Variants in PTCHD1 observed in about 807,000 individuals in gnomAD.
PTCHD1 encodes the protein patched domain containing 1.
Under a neutral mutation model 34.6 loss-of-function variants are expected in PTCHD1, and 3 were observed. The ratio of observed to expected loss-of-function variants is 0.09; its 90% CI spans 0.04 to 0.22. The LOEUF (loss-of-function observed/expected upper bound fraction) is 0.22, where lower values mean the gene tolerates loss of function less well. PTCHD1 is among the 10% of genes least tolerant of loss of function. The probability of loss-of-function intolerance (pLI) is 1.00; values close to 1 mark genes in which losing one functional copy is unlikely to be tolerated. For missense variants in PTCHD1, 504 were observed against 685.5 expected, an observed-to-expected ratio of 0.74 and a Z score of 2.96; for synonymous variants, 305 against 283.1, an observed-to-expected ratio of 1.08 and a Z score of -0.77.
chrX:23,364,689 C>A (rs1344216958), intron 1 of PTCHD1, among the ~76,000 whole-genome samples: 3 of 112,190 alleles, frequency 2.7e-5, no homozygotes, highest in African/African-American at 9.7e-5. Context: ...AACACATCAG[C>A]TGTCTCTCCC....
Position 23,400,999 on chromosome X carries a change from G to C in PTCHD1, c.*6814G>C. 1 of 108,152 alleles carries C rather than the reference G, an allele frequency of 9.2e-6. No homozygotes were observed. Among genetic ancestry groups the C allele is most frequent in the Middle Eastern group, 4.7e-3 (1 of 214 alleles). The allele number at this position is 108,152 out of a possible 1,213,427, so 8.9% of individuals were successfully genotyped here. A position where few individuals can be genotyped will look rare whatever the true frequency, so the allele number is the denominator to read the frequency against. On this transcript the variant is annotated 3_prime_UTR_variant, in exon 3 of 3. Coordinates refer to ENST00000379361, the MANE Select transcript of PTCHD1 (RefSeq NM_173495.3). ...GCCTCCTGAGTAGCTGGGACTACAG[G>C]TGCCCGCCACCGCGCCCGGCTAATT...
chrX:23,342,294 ATATATATATATATATATTTTTTTTT>A (rs1341138885), intron 1 of PTCHD1, among the ~76,000 whole-genome samples: 5 of 7,829 alleles, frequency 6.4e-4, no homozygotes, highest in African/African-American at 4.0e-3. Context: ...ATATATATAT[ATATATATATATATATATTTTTTTTT>A]TTTTTTTTTT....
In PTCHD1 at chrX:23,394,300, G is replaced by C; in HGVS notation, c.*115G>C. 1 of 116,142 alleles carries C rather than the reference G, an allele frequency of 8.6e-6. No individual in the cohort carries two copies. Among genetic ancestry groups the C allele is most frequent in the Non-Finnish European group, 1.4e-5 (1 of 72,572 alleles). 9.6% of individuals were successfully genotyped at this position (116,142 alleles called of 1,213,427 possible). The stretch of plus-strand genomic sequence containing the variant: ...TTTTTAAAGATAGGAAACAGGCATT[G>C]CCAAAAAAAAAAAAAAAAAAAAAAG... On this transcript the variant is annotated 3_prime_UTR_variant, in exon 3 of 3. Coordinates refer to ENST00000379361, the MANE Select transcript of PTCHD1 (RefSeq NM_173495.3).
chrX:23,387,611 C>A (rs1056863212), intron 2 of PTCHD1, among the ~76,000 whole-genome samples: 6 of 111,872 alleles, frequency 5.4e-5, no homozygotes, highest in Non-Finnish European at 1.1e-4. Flanking sequence ...TAAAATCACA[C>A]TCCCGGCCCA....
At position 23,398,591 on chromosome X, in the gene PTCHD1, A is replaced by G. The variant is rs1422279199; in HGVS notation, c.*4406A>G. On this transcript the variant is annotated 3_prime_UTR_variant, in exon 3 of 3. Coordinates refer to ENST00000379361, the MANE Select transcript of PTCHD1 (RefSeq NM_173495.3). ...TGTAAAAAGCACCAGGTATTTAGAG[A>G]CATAAAGTTCCCGTTTTTTAAAAGA... The G allele has an allele frequency of 2.7e-5, 3 of 111,892 alleles. No homozygotes were observed. The highest frequency in any genetic ancestry group is 5.6e-5 in the Non-Finnish European group (3 of 53,201). The allele number at this position is 111,892 out of a possible 1,213,427, so 9.2% of individuals were successfully genotyped here.
At chrX:23,342,532 C>A (rs1393367580) in intron 1 of PTCHD1, among the ~76,000 whole-genome samples, 4 of 108,066 alleles carry the variant, frequency 3.7e-5, no homozygotes, top group Non-Finnish European at 1.9e-5. Flanking sequence ...AACAAGATGG[C>A]TATGACCCTG....
At chrX:23,369,543 G>C (rs1003878668) in intron 1 of PTCHD1, among the ~76,000 whole-genome samples, 4 of 111,437 alleles carry the variant, frequency 3.6e-5, no homozygotes, top group Non-Finnish European at 7.5e-5. Flanking sequence ...AGCTCCTAGA[G>C]GCTCAGCTTC....
Position 23,404,110 on chromosome X carries a change from T to G in PTCHD1, c.*9925T>G, listed in dbSNP as rs922530567. 8.9e-6 allele frequency: 1 copy of G among 112,433 alleles called. No homozygotes were observed. Among genetic ancestry groups the G allele is most frequent in the Non-Finnish European group, 1.9e-5 (1 of 53,320 alleles). 9.3% of individuals were successfully genotyped at this position (112,433 alleles called of 1,213,427 possible). On this transcript the variant is annotated 3_prime_UTR_variant, in exon 3 of 3. Transcript: ENST00000379361. The stretch of plus-strand genomic sequence containing the variant: ...ACAATGTAGAAGCCCCCAAGTCACC[T>G]GGGAAATGGCTCATGCCAAATACAT...
chrX:23,354,248 G>A (rs1029664391), intron 1 of PTCHD1, among the ~76,000 whole-genome samples: 8 of 110,564 alleles, frequency 7.2e-5, no homozygotes, highest in African/African-American at 2.3e-4. Context: ...AAATTAGAGC[G>A]GTAGCCCTTC....
chrX:23,346,227 T>A (rs765594932), intron 1 of PTCHD1, among the ~76,000 whole-genome samples: 14 of 111,957 alleles, frequency 1.3e-4, no homozygotes, highest in Non-Finnish European at 2.6e-4. Flanking sequence ...TGTGGTTCTG[T>A]TAAAGAACAA....
intron 1 of PTCHD1, among the ~76,000 whole-genome samples, chrX:23,344,372 G>T (rs1249161720): frequency 1.8e-5 from 2 of 112,229 alleles, no homozygotes; most frequent in African/African-American, 6.5e-5. Context: ...ATAGCCTTCT[G>T]TAAAGTGTGT....
chrX:23,362,233 C>G (rs1922007007), intron 1 of PTCHD1, among the ~76,000 whole-genome samples: 1 of 111,962 alleles, frequency 8.9e-6, no homozygotes, highest in South Asian at 3.7e-4. Context: ...TGGATAATAT[C>G]CTGAAGAGTG....
At chrX:23,364,981 CA>C (rs1293066107) in intron 1 of PTCHD1, among the ~76,000 whole-genome samples, 3 of 112,239 alleles carry the variant, frequency 2.7e-5, no homozygotes, top group Non-Finnish European at 5.6e-5. Context: ...TGGCAGGATG[CA>C]GGTCTAAGTA....
At chrX:23,349,975 C>T (rs1289746127) in intron 1 of PTCHD1, among the ~76,000 whole-genome samples, 1 of 96,996 alleles carries the variant, frequency 1.0e-5, no homozygotes, top group Admixed American at 1.2e-4. Context: ...GCTTGGAATA[C>T]AATAGCTGCA....
At chrX:23,377,901 G>A (rs1295778857) in intron 1 of PTCHD1, among the ~76,000 whole-genome samples, 1 of 111,699 alleles carries the variant, frequency 9.0e-6, no homozygotes, top group Non-Finnish European at 1.9e-5. Context: ...AATATATCAG[G>A]ATCATGGAGA....
At chrX:23,377,165 A>G (rs1339575902) in intron 1 of PTCHD1, among the ~76,000 whole-genome samples, 1 of 112,145 alleles carries the variant, frequency 8.9e-6, no homozygotes, top group Non-Finnish European at 1.9e-5. Context: ...TTATTTGGCA[A>G]TCTTTTTCTC....
intron 1 of PTCHD1, among the ~76,000 whole-genome samples, chrX:23,377,859 CAGAT>C (rs1225417008): frequency 9.0e-6 from 1 of 111,517 alleles, no homozygotes; most frequent in Non-Finnish European, 1.9e-5. Context: ...AATGTCTTAA[CAGAT>C]AGTCTATTTA....
intron 1 of PTCHD1, among the ~76,000 whole-genome samples, chrX:23,340,609 GTC>G (rs1241077984): frequency 8.9e-6 from 1 of 112,339 alleles, no homozygotes; most frequent in Non-Finnish European, 1.9e-5. Flanking sequence ...GCCTATTCCA[GTC>G]TCTCTGCTTT....
At chrX:23,388,509 C>T (rs1248908643) in intron 2 of PTCHD1, among the ~76,000 whole-genome samples, 3 of 112,192 alleles carry the variant, frequency 2.7e-5, no homozygotes, top group Non-Finnish European at 3.8e-5. Flanking sequence ...GTCAGAGTTC[C>T]GCTTGCTGAA....
Sources: allele counts gnomAD v4.1 joint callset (sites outside exome capture counted in the v4.1 genomes callset), GRCh38; gene constraint gnomAD v4.1.1; transcripts MANE v1.5; gene names NCBI Gene and HGNC (gene_info 2026-07-23, HGNC 2026-07-21).